The following NIPSNAP2 variants were observed in gnomAD, a reference collection of about 807,000 sequenced individuals.
The protein encoded by NIPSNAP2 is protein NipSnap homolog 2.
A neutral mutation model predicts 48.4 loss-of-function variants in NIPSNAP2; 42 were observed. The observed-to-expected ratio is 0.87, with a 90% CI of 0.68 to 1.12. The LOEUF (loss-of-function observed/expected upper bound fraction) is 1.12. Ranked by LOEUF, NIPSNAP2 falls within the 50% of genes most tolerant of loss-of-function variation. NIPSNAP2 has a pLI of 0.00. For synonymous variants in NIPSNAP2, 158 were observed against 126.6 expected (o/e 1.25, Z -1.67); for missense variants, 314 against 347.3 (o/e 0.90, Z 0.76).
At chr7:55,984,587 C>T (rs1425879158) in intron 6 of NIPSNAP2, among the ~76,000 whole-genome samples, 7 of 151,736 alleles carry the variant, frequency 4.6e-5, no homozygotes, top group African/African-American at 9.7e-5. Flanking sequence ...GGCATGGTGG[C>T]GGGCGCCGGT....
At chr7:55,972,682 G>A (rs1001405010) in intron 1 of NIPSNAP2, among the ~76,000 whole-genome samples, 1 of 152,004 alleles carries the variant, frequency 6.6e-6, no homozygotes, top group African/African-American at 2.4e-5. Flanking sequence ...CGCCTCCTTG[G>A]CCTCCCAAAG....
chr7:55,981,318 A>G, intron 3 of NIPSNAP2, 155 bp from the exon 4 acceptor site: 1 of 574,340 alleles, frequency 1.7e-6, no homozygotes, highest in Non-Finnish European at 3.1e-6. Context: ...AATTCAGCTA[A>G]AAGGTTAACT....
chr7:55,972,278 C>T (rs925421084), intron 1 of NIPSNAP2, among the ~76,000 whole-genome samples: 8 of 149,940 alleles, frequency 5.3e-5, no homozygotes, highest in Non-Finnish European at 1.0e-4. Flanking sequence ...TATTGCCCTC[C>T]AGCCTGGGCA....
At chr7:55,997,754 A>G (rs1198288371) in intron 9 of NIPSNAP2, among the ~76,000 whole-genome samples, 2 of 152,232 alleles carry the variant, frequency 1.3e-5, no homozygotes, top group Non-Finnish European at 2.9e-5. Context: ...AACTTATTAC[A>G]CAAATAAAAT....
At chr7:55,982,558 C>T (rs186433882) in intron 5 of NIPSNAP2, among the ~76,000 whole-genome samples, 222 of 149,762 alleles carry the variant, frequency 1.5e-3, no homozygotes, top group Non-Finnish European at 1.6e-3. Context: ...ACCATCCTGG[C>T]TTACACAGTG....
intron 1 of NIPSNAP2, among the ~76,000 whole-genome samples, chr7:55,966,840 GGA>G (rs1786904880): frequency 6.6e-6 from 1 of 152,174 alleles, no homozygotes; most frequent in Admixed American, 6.6e-5. Flanking sequence ...GCGAGAGTGT[GGA>G]GAGAGAAGGG....
At chr7:55,966,043 C>A (rs1351557147) in intron 1 of NIPSNAP2, among the ~76,000 whole-genome samples, 1 of 152,166 alleles carries the variant, frequency 6.6e-6, no homozygotes, top group Non-Finnish European at 1.5e-5. Flanking sequence ...TGTTGAGAGA[C>A]ATCAGTGAAT....
At chr7:55,978,021 G>C (rs1300446982) in intron 1 of NIPSNAP2, 105 bp from the exon 2 acceptor site, 2 of 1,299,844 alleles carry the variant, frequency 1.5e-6, no homozygotes, top group Non-Finnish European at 2.1e-6. Flanking sequence ...TGGTAGCCCA[G>C]GTTCTGGAAC....
chr7:55,984,746 A>G, intron 6 of NIPSNAP2, 101 bp from the exon 7 acceptor site: 1 of 907,464 alleles, frequency 1.1e-6, no homozygotes, highest in South Asian at 1.4e-5. Context: ...GGTTTTTTGA[A>G]GTTAGTTTTG....
At position 55,999,945 on chromosome 7, in the gene NIPSNAP2, G is replaced by A. The variant is rs948364338; in HGVS notation, c.*873G>A. On this transcript the variant is annotated 3_prime_UTR_variant, in exon 10 of 10. Coordinates refer to ENST00000322090, the MANE Select transcript of NIPSNAP2 (RefSeq NM_001483.3). ...GGTGGTGCATGTTGAGATTTAAATT[G>A]GCATAAAGCTGCATACTTTTTGTCT... The A allele has an allele frequency of 1.9e-4, 29 of 152,640 alleles. No individual in the cohort carries two copies. Among genetic ancestry groups the A allele is most frequent in the African/African-American group, 6.7e-4 (28 of 41,546 alleles). The allele number at this position is 152,640 out of a possible 1,614,324, so 9.5% of individuals were successfully genotyped here.
chr7:55,969,957 T>C (rs1248117547), intron 1 of NIPSNAP2, among the ~76,000 whole-genome samples: 1 of 131,552 alleles, frequency 7.6e-6, no homozygotes, highest in Non-Finnish European at 1.6e-5. Context: ...CACTCCAGCC[T>C]GGGCGACGGA....
In NIPSNAP2 at chr7:55,964,713, C is replaced by G. The variant is rs1238440477; in HGVS notation, c.92+12C>G. ...CTGCCCAGGCTCCGGTGAGCAGCGC[C>G]GCCCTTCCCGGGAGGTGCCGGGGAG... On this transcript the variant is annotated intron_variant, in intron 1 of 9. Transcript: ENST00000322090. The G allele has an allele frequency of 1.8e-6, 2 of 1,117,880 alleles. No homozygotes were observed. The highest frequency in any genetic ancestry group is 3.3e-5 in the African/African-American group (2 of 60,408). 69.2% of individuals were successfully genotyped at this position (1,117,880 alleles called of 1,614,324 possible).
chr7:55,991,421 C>A (rs1432625042), intron 7 of NIPSNAP2, among the ~76,000 whole-genome samples: 1 of 151,974 alleles, frequency 6.6e-6, no homozygotes, highest in African/African-American at 2.4e-5. Context: ...CCGTGGAATC[C>A]ACAGGGACAT....
At chr7:55,972,158 T>C (rs1344949631) in intron 1 of NIPSNAP2, among the ~76,000 whole-genome samples, 1 of 151,568 alleles carries the variant, frequency 6.6e-6, no homozygotes, top group African/African-American at 2.4e-5. Context: ...ATACAAAAAT[T>C]AGATGGGTGT....
At chr7:55,979,410 T>C (rs1234919506) in intron 3 of NIPSNAP2, 1 of 180,612 alleles carries the variant, frequency 5.5e-6, no homozygotes, top group African/African-American at 2.4e-5. Context: ...TGCTCTCACT[T>C]CACACCCAGC....
At chr7:55,986,563 G>A (rs1787332948) in intron 7 of NIPSNAP2, among the ~76,000 whole-genome samples, 1 of 152,060 alleles carries the variant, frequency 6.6e-6, no homozygotes, top group Admixed American at 6.6e-5. Context: ...TCAGGAGGCT[G>A]AGGCAGGAGA....
chr7:55,973,410 G>A (rs1351169197), intron 1 of NIPSNAP2, among the ~76,000 whole-genome samples: 2 of 151,652 alleles, frequency 1.3e-5, no homozygotes, highest in African/African-American at 4.8e-5. Context: ...GTGAAAACGT[G>A]CTTTTATATT....
intron 1 of NIPSNAP2, among the ~76,000 whole-genome samples, chr7:55,966,505 C>T (rs747465557): frequency 2.6e-5 from 4 of 152,040 alleles, no homozygotes; most frequent in East Asian, 3.9e-4. Context: ...CATAGGAAGC[C>T]GGGTGCAGTG....
At chr7:55,996,344 A>G (rs1243854020) in intron 8 of NIPSNAP2, among the ~76,000 whole-genome samples, 1 of 151,728 alleles carries the variant, frequency 6.6e-6, no homozygotes, top group Non-Finnish European at 1.5e-5. Flanking sequence ...TGTGAATTGT[A>G]CCATGACACA....
Sources: gnomAD v4.1 joint callset for allele counts (sites outside exome capture counted in the v4.1 genomes callset) on GRCh38, gnomAD v4.1.1 for gene constraint, MANE v1.5 for transcripts, NCBI Gene and HGNC (gene_info 2026-07-23, HGNC 2026-07-21) for gene names.